Variants in EXOC4 observed in about 807,000 individuals in gnomAD.
EXOC4 encodes the protein exocyst complex component 4.
A neutral mutation model predicts 107.2 loss-of-function variants in EXOC4; 71 were observed. That is an observed-to-expected ratio of 0.66 (90% CI 0.55 to 0.81). The LOEUF (loss-of-function observed/expected upper bound fraction) is 0.81. EXOC4 is among the 30% of genes least tolerant of loss of function. The pLI, the probability that EXOC4 is intolerant of heterozygous loss-of-function variation, is 0.00. For synonymous variants in EXOC4, 456 were observed against 441.2 expected (o/e 1.03, Z -0.42); for missense variants, 1,108 against 1,189.6 (o/e 0.93, Z 1.01).
chr7:133,868,428 G>A (rs1056554104), intron 11 of EXOC4, among the ~76,000 whole-genome samples: 5 of 152,122 alleles, frequency 3.3e-5, no homozygotes, highest in South Asian at 2.1e-4. Context: ...ACCCTTGATC[G>A]TTCATGCAAT....
intron 11 of EXOC4, among the ~76,000 whole-genome samples, chr7:133,863,735 A>T (rs1170214338): frequency 6.6e-6 from 1 of 152,240 alleles, no homozygotes; most frequent in Non-Finnish European, 1.5e-5. Flanking sequence ...AAGAAAATCA[A>T]GGCTGTATTA....
At chr7:134,009,725 A>C (rs1236272547) in intron 17 of EXOC4, 1 of 152,234 alleles carries the variant, frequency 6.6e-6, no homozygotes, top group Non-Finnish European at 1.5e-5. Flanking sequence ...GAGGGATACA[A>C]AAACCCATTA....
At chr7:133,383,773 A>C (rs1004136277) in intron 7 of EXOC4, among the ~76,000 whole-genome samples, 1 of 152,162 alleles carries the variant, frequency 6.6e-6, no homozygotes, top group African/African-American at 2.4e-5. Context: ...CAGAAAACGT[A>C]TGAGAGTATT....
intron 10 of EXOC4, among the ~76,000 whole-genome samples, chr7:133,780,303 T>TAAAA (rs35224246): frequency 1.4e-5 from 2 of 143,894 alleles, no homozygotes. Context: ...TTGAAGAATC[T>TAAAA]AAAAAAAAAA....
intron 7 of EXOC4, among the ~76,000 whole-genome samples, chr7:133,470,718 A>G (rs1798854031): frequency 6.6e-6 from 1 of 152,184 alleles, no homozygotes; most frequent in African/African-American, 2.4e-5. Context: ...TAAAAATAGT[A>G]AAGAGATTAG....
intron 10 of EXOC4, among the ~76,000 whole-genome samples, chr7:133,710,137 T>C (rs948867103): frequency 6.6e-6 from 1 of 152,092 alleles, no homozygotes; most frequent in African/African-American, 2.4e-5. Context: ...TAGAGAATAC[T>C]TGGGAGGAAG....
intron 10 of EXOC4, among the ~76,000 whole-genome samples, chr7:133,668,454 A>G (rs930583374): frequency 2.0e-5 from 3 of 152,176 alleles, no homozygotes; most frequent in East Asian, 1.9e-4. Context: ...TTGTTAGTCA[A>G]TTGTTTGGAA....
At chr7:133,436,059 T>G (rs969599246) in intron 7 of EXOC4, among the ~76,000 whole-genome samples, 9 of 146,728 alleles carry the variant, frequency 6.1e-5, no homozygotes, top group South Asian at 4.2e-4. Context: ...TTTTTTTTTT[T>G]TTGTTTTTTT....
At chr7:133,603,180 C>T (rs953293800) in intron 9 of EXOC4, among the ~76,000 whole-genome samples, 1 of 152,120 alleles carries the variant, frequency 6.6e-6, no homozygotes, top group African/African-American at 2.4e-5. Flanking sequence ...GGTGTTGATT[C>T]TCTACCTCTG....
chr7:133,928,977 G>A (rs1011255931), intron 13 of EXOC4, among the ~76,000 whole-genome samples: 4 of 127,084 alleles, frequency 3.1e-5, no homozygotes, highest in Non-Finnish European at 6.2e-5. Context: ...CTGTCGCCCA[G>A]GCTGGAGTGC....
intron 9 of EXOC4, among the ~76,000 whole-genome samples, chr7:133,534,687 A>G (rs1800241172): frequency 6.6e-6 from 1 of 152,202 alleles, no homozygotes; most frequent in African/African-American, 2.4e-5. Context: ...TTCAAAGTCA[A>G]TCAGGCCAAA....
intron 7 of EXOC4, among the ~76,000 whole-genome samples, chr7:133,399,674 C>T (rs1476187282): frequency 6.6e-6 from 1 of 152,166 alleles, no homozygotes; most frequent in East Asian, 1.9e-4. Flanking sequence ...TGTTGGACAT[C>T]ACAGGAGCAA....
chr7:134,006,356 C>A lies in EXOC4; in HGVS notation c.2527+1266C>A, dbSNP rs6963981. 4.8e-3 allele frequency among the ~76,000 whole-genome samples: 729 copies of A among 152,198 alleles called. 6 individuals carry two copies. Among genetic ancestry groups the A allele is most frequent in the African/African-American group, 0.016 (681 of 41,534 alleles). The stretch of plus-strand genomic sequence containing the variant: ...AAGTTACAGACTTGAGAGAATGACA[C>A]CAAAACTTGGCCTACAGAGATTTTT... On this transcript the variant is annotated intron_variant, in intron 16 of 17. Transcript: ENST00000253861.
At chr7:133,814,162 A>G (rs1020985833) in intron 10 of EXOC4, among the ~76,000 whole-genome samples, 3 of 152,154 alleles carry the variant, frequency 2.0e-5, no homozygotes, top group African/African-American at 7.2e-5. Flanking sequence ...CCTGCCTCCT[A>G]TGGGTACTTA....
At chr7:134,015,710 A>G (rs1172178275) in intron 17 of EXOC4, among the ~76,000 whole-genome samples, 1 of 151,946 alleles carries the variant, frequency 6.6e-6, no homozygotes, top group African/African-American at 2.4e-5. Context: ...TCCCGTCTCT[A>G]CTAAAATACA....
At chr7:133,972,705 A>G (rs2953626) in intron 14 of EXOC4, among the ~76,000 whole-genome samples, 111,306 of 152,156 alleles carry the variant, frequency 0.73, 41,366 homozygotes, top group East Asian at 0.91. Context: ...TTCACTGTCT[A>G]CATTAGAGAA....
chr7:133,844,748 T>C (rs114967353), intron 11 of EXOC4, among the ~76,000 whole-genome samples: 1 of 152,056 alleles, frequency 6.6e-6, no homozygotes, highest in African/African-American at 2.4e-5. Context: ...CTCCCTACCA[T>C]GCTTCTATAG....
intron 10 of EXOC4, among the ~76,000 whole-genome samples, chr7:133,699,440 G>A (rs1047497324): frequency 1.4e-4 from 22 of 152,158 alleles, no homozygotes; most frequent in African/African-American, 4.1e-4. Context: ...GATCATAGGC[G>A]CTTCCAGAGA....
intron 12 of EXOC4, among the ~76,000 whole-genome samples, chr7:133,898,232 T>TAA (rs959456340): frequency 6.6e-6 from 1 of 151,648 alleles, no homozygotes. Flanking sequence ...CTAAAAAAAT[T>TAA]AAATGTCAAC....
Sources: allele counts gnomAD v4.1 joint callset (sites outside exome capture counted in the v4.1 genomes callset), GRCh38; gene constraint gnomAD v4.1.1; transcripts MANE v1.5; gene names NCBI Gene and HGNC (gene_info 2026-07-23, HGNC 2026-07-21).